Variants in SGMS1 observed in about 807,000 individuals in gnomAD.
The protein encoded by SGMS1 is phosphatidylcholine:ceramide cholinephosphotransferase 1.
Under a neutral mutation model 46.2 loss-of-function variants are expected in SGMS1, and 13 were observed. The observed-to-expected ratio is 0.28, with a 90% CI of 0.18 to 0.45. The LOEUF (loss-of-function observed/expected upper bound fraction) is 0.45. Among genes scored for constraint, SGMS1 ranks in the 20% least tolerant of loss-of-function variants. The pLI is 1.00. For missense variants in SGMS1, 324 were observed against 519.9 expected (o/e 0.62, Z 3.66); for synonymous variants, 203 against 187.8 (o/e 1.08, Z -0.66).
chr10:50,602,969 C>T (rs1050309323), intron 1 of SGMS1, among the ~76,000 whole-genome samples: 1 of 152,086 alleles, frequency 6.6e-6, no homozygotes, highest in Admixed American at 6.5e-5. Context: ...TGAAAATGAA[C>T]GAGTTTAGAC....
At chr10:50,598,309 A>G (rs1246649975) in intron 1 of SGMS1, among the ~76,000 whole-genome samples, 1 of 152,134 alleles carries the variant, frequency 6.6e-6, no homozygotes, top group Non-Finnish European at 1.5e-5. Context: ...GAACCCAATC[A>G]TGCTAGCTGG....
At chr10:50,477,937 T>A (rs1837442551) in intron 3 of SGMS1, among the ~76,000 whole-genome samples, 1 of 151,906 alleles carries the variant, frequency 6.6e-6, no homozygotes, top group Admixed American at 6.5e-5. Context: ...TCTCCAGTAG[T>A]TCTTTACAGC....
chr10:50,527,071 A>G (rs867963416), intron 2 of SGMS1, among the ~76,000 whole-genome samples: 80 of 45,432 alleles, frequency 1.8e-3, no homozygotes, highest in Admixed American at 3.5e-3. Context: ...CTCAAAAAAA[A>G]AAAAAAAAAA....
At chr10:50,376,924 C>A (rs1388890132) in intron 6 of SGMS1, among the ~76,000 whole-genome samples, 1 of 151,994 alleles carries the variant, frequency 6.6e-6, no homozygotes, top group African/African-American at 2.4e-5. Flanking sequence ...GAAACAATTT[C>A]CATGAAAAAA....
intron 6 of SGMS1, among the ~76,000 whole-genome samples, chr10:50,401,592 G>C (rs1848941388): frequency 6.6e-6 from 1 of 152,094 alleles, no homozygotes; most frequent in Admixed American, 6.5e-5. Context: ...TCCTTCAAAA[G>C]GTCTATATGC....
chr10:50,623,758 G>T lies in SGMS1; in HGVS notation c.-735C>A. The T allele has an allele frequency of 1.0e-6, 1 of 985,476 alleles. No individual in the cohort carries two copies. Among genetic ancestry groups the T allele is most frequent in the Non-Finnish European group, 1.2e-6 (1 of 829,980 alleles). The allele number at this position is 985,476 out of a possible 1,614,324, so 61.0% of individuals were successfully genotyped here. A position where few individuals can be genotyped will look rare whatever the true frequency, so the allele number is the denominator to read the frequency against. Reference sequence around the variant, plus strand: ...GAATTCCGCTCGCGGAGCCCCCGCCGCGGAATGAAATCCGGGGCAGGGCAG... The same window carrying T: ...GAATTCCGCTCGCGGAGCCCCCGCCTCGGAATGAAATCCGGGGCAGGGCAG... On this transcript the variant is annotated 5_prime_UTR_variant, in exon 1 of 11. Transcript: ENST00000361781.
chr10:50,365,700 T>C (rs1848329642), intron 6 of SGMS1, among the ~76,000 whole-genome samples: 2 of 152,230 alleles, frequency 1.3e-5, no homozygotes, highest in African/African-American at 4.8e-5. Flanking sequence ...TTTCTGTTCC[T>C]GTGTTAGTTT....
chr10:50,330,184 T>G (rs1032380030), intron 7 of SGMS1, among the ~76,000 whole-genome samples: 1 of 152,160 alleles, frequency 6.6e-6, no homozygotes, highest in African/African-American at 2.4e-5. Flanking sequence ...TCAGGCATGG[T>G]GACTCACGCC....
At chr10:50,330,885 A>T (rs1847614290) in intron 7 of SGMS1, among the ~76,000 whole-genome samples, 2 of 152,200 alleles carry the variant, frequency 1.3e-5, no homozygotes, top group South Asian at 4.1e-4. Context: ...CTGTATCTTT[A>T]CATAGATGCT....
At chr10:50,340,892 G>A (rs1003586933) in intron 7 of SGMS1, among the ~76,000 whole-genome samples, 1 of 152,098 alleles carries the variant, frequency 6.6e-6, no homozygotes, top group African/African-American at 2.4e-5. Flanking sequence ...GAAATAAGAA[G>A]GATAGACTGA....
At chr10:50,581,700 T>C (rs903205506) in intron 2 of SGMS1, among the ~76,000 whole-genome samples, 6 of 152,310 alleles carry the variant, frequency 3.9e-5, no homozygotes, top group Non-Finnish European at 7.4e-5. Flanking sequence ...CTAGAATAAG[T>C]AGCTAATCCC....
intron 7 of SGMS1, among the ~76,000 whole-genome samples, chr10:50,327,594 T>C (rs994487915): frequency 1.1e-4 from 17 of 152,310 alleles, no homozygotes; most frequent in Admixed American, 1.0e-3. Context: ...TAAACTTGAG[T>C]TGACGTTCAA....
intron 3 of SGMS1, among the ~76,000 whole-genome samples, chr10:50,508,306 G>C (rs1564420459): frequency 6.6e-6 from 1 of 152,092 alleles, no homozygotes; most frequent in Non-Finnish European, 1.5e-5. Context: ...AAGTTTATGG[G>C]GTCTCCATGT....
At chr10:50,377,259 GC>G (rs1367228801) in intron 6 of SGMS1, among the ~76,000 whole-genome samples, 1 of 152,146 alleles carries the variant, frequency 6.6e-6, no homozygotes. Context: ...ACAAGAGAGA[GC>G]CAAACTGGCT....
At chr10:50,417,760 C>T (rs1437151735) in intron 6 of SGMS1, among the ~76,000 whole-genome samples, 1 of 152,188 alleles carries the variant, frequency 6.6e-6, no homozygotes, top group Non-Finnish European at 1.5e-5. Flanking sequence ...GACTTGATAA[C>T]CCCAAACAGA....
intron 6 of SGMS1, among the ~76,000 whole-genome samples, chr10:50,388,550 C>G (rs538856249): frequency 2.6e-4 from 39 of 151,154 alleles, no homozygotes; most frequent in African/African-American, 9.0e-4. Flanking sequence ...GAGGCAGAGG[C>G]TGCAGCGAGC....
intron 6 of SGMS1, among the ~76,000 whole-genome samples, chr10:50,370,741 A>AT (rs991586876): frequency 5.6e-5 from 6 of 108,086 alleles, no homozygotes; most frequent in East Asian, 2.7e-4. Context: ...CTCCATCTCA[A>AT]TAAAAAAAAA....
intron 2 of SGMS1, among the ~76,000 whole-genome samples, chr10:50,553,615 A>C (rs1315691428): frequency 2.0e-5 from 3 of 152,192 alleles, no homozygotes; most frequent in Non-Finnish European, 2.9e-5. Context: ...AAATGACCTC[A>C]GCAAGGTAAG....
intron 5 of SGMS1, among the ~76,000 whole-genome samples, chr10:50,446,277 T>C (rs1300779309): frequency 1.3e-5 from 2 of 152,146 alleles, no homozygotes; most frequent in Admixed American, 6.5e-5. Context: ...AAATCACTAA[T>C]AAAAACTTGC....
Sources: gnomAD v4.1 joint callset for allele counts (sites outside exome capture counted in the v4.1 genomes callset) on GRCh38, gnomAD v4.1.1 for gene constraint, MANE v1.5 for transcripts, NCBI Gene and HGNC (gene_info 2026-07-23, HGNC 2026-07-21) for gene names.